The following SYT1 variants were observed in gnomAD, a reference collection of about 807,000 sequenced individuals.
The protein encoded by SYT1 is synaptotagmin 1.
SYT1 carries 8 observed loss-of-function variants against 44.8 expected under a neutral mutation model. The ratio of observed to expected loss-of-function variants is 0.18; its 90% CI spans 0.10 to 0.32. SYT1 has a LOEUF of 0.32. SYT1 is among the 10% of genes least tolerant of loss of function. The pLI is 1.00. For synonymous variants in SYT1, 154 were observed against 188.8 expected, an observed-to-expected ratio of 0.82 and a Z score of 1.51; for missense variants, 286 against 509.3, an observed-to-expected ratio of 0.56 and a Z score of 4.22.
At chr12:79,263,163 CA>C (rs900450679) in intron 4 of SYT1, among the ~76,000 whole-genome samples, 35 of 152,222 alleles carry the variant, frequency 2.3e-4, no homozygotes, top group African/African-American at 7.5e-4. Context: ...TCACCACTTA[CA>C]AGTCAGTGAG....
At chr12:79,293,302 C>T (rs960500969) in intron 6 of SYT1, among the ~76,000 whole-genome samples, 70 of 147,238 alleles carry the variant, frequency 4.8e-4, no homozygotes, top group African/African-American at 1.7e-3. Context: ...CCAGCCTGGG[C>T]GACAGAGCGA....
At chr12:79,084,711 A>G (rs1358050374) in intron 3 of SYT1, among the ~76,000 whole-genome samples, 1 of 152,192 alleles carries the variant, frequency 6.6e-6, no homozygotes, top group Non-Finnish European at 1.5e-5. Flanking sequence ...ATACCAGTGT[A>G]ATATATCAAT....
intron 3 of SYT1, among the ~76,000 whole-genome samples, chr12:79,100,336 C>G (rs147129295): frequency 1.3e-3 from 204 of 152,274 alleles, no homozygotes; most frequent in African/African-American, 4.6e-3. Context: ...CAAACCTCGT[C>G]TTAACCACCA....
At chr12:78,968,463 T>C (rs762005550) in intron 1 of SYT1, among the ~76,000 whole-genome samples, 27 of 152,166 alleles carry the variant, frequency 1.8e-4, no homozygotes, top group Non-Finnish European at 3.1e-4. Context: ...GGGAACAAGA[T>C]GAAATGCATT....
At chr12:79,331,415 T>G (rs1881849207) in intron 8 of SYT1, among the ~76,000 whole-genome samples, 1 of 152,192 alleles carries the variant, frequency 6.6e-6, no homozygotes, top group Non-Finnish European at 1.5e-5. Context: ...ATAACACAAT[T>G]GTGCATATAC....
chr12:79,299,395 G>A lies in SYT1; in HGVS notation c.654G>A (p.Ser218=), dbSNP rs759895494. ...GTCTTTTAATTTAGGTACCATACTC[G>A]GAATTGGGTGGCAAAACCCTAGTGA... The part of the protein sequence containing the change: ...NEQFTFKVPY[S]ELGGKTLVMA... Residue 218 remains serine (S), a synonymous_variant, in exon 8 of 11, where the codon TCG becomes TCA. Transcript: ENST00000261205. 405 of 1,612,646 alleles carry A rather than the reference G, an allele frequency of 2.5e-4. No homozygotes were observed. Among genetic ancestry groups the A allele is most frequent in the Non-Finnish European group, 3.2e-4 (373 of 1,179,322 alleles).
At chr12:79,329,759 T>C (rs17005466) in intron 8 of SYT1, among the ~76,000 whole-genome samples, 16,914 of 152,208 alleles carry the variant, frequency 0.11, 1,399 homozygotes, top group African/African-American at 0.23. Context: ...AGCTGCAAAC[T>C]CCTACTCTGT....
intron 3 of SYT1, among the ~76,000 whole-genome samples, chr12:79,162,755 C>G (rs372921089): frequency 6.6e-6 from 1 of 152,032 alleles, no homozygotes; most frequent in African/African-American, 2.4e-5. Context: ...AAAGAAGCAG[C>G]AATTTTGTTT....
intron 3 of SYT1, among the ~76,000 whole-genome samples, chr12:79,174,291 A>T (rs1449772445): frequency 6.6e-6 from 1 of 152,054 alleles, no homozygotes; most frequent in African/African-American, 2.4e-5. Flanking sequence ...GGTGACATTG[A>T]TGAAGAATTA....
intron 9 of SYT1, among the ~76,000 whole-genome samples, chr12:79,402,291 C>T (rs756670281): frequency 6.6e-6 from 1 of 152,164 alleles, no homozygotes; most frequent in Admixed American, 6.5e-5. Context: ...CCATGTCCCA[C>T]GTGGCCAGTA....
intron 7 of SYT1, among the ~76,000 whole-genome samples, chr12:79,297,714 A>G (rs1210160555): frequency 6.6e-6 from 1 of 152,090 alleles, no homozygotes; most frequent in Non-Finnish European, 1.5e-5. Flanking sequence ...AAATACTTCA[A>G]TTTTTCTAGA....
chr12:79,431,024 G>A (rs748888817), intron 9 of SYT1, among the ~76,000 whole-genome samples: 1 of 152,186 alleles, frequency 6.6e-6, no homozygotes, highest in Non-Finnish European at 1.5e-5. Flanking sequence ...ACAAAGTTAA[G>A]AGAAAATATC....
intron 3 of SYT1, among the ~76,000 whole-genome samples, chr12:79,179,551 A>G (rs36141500): frequency 0.68 from 90,767 of 133,684 alleles, 32,033 homozygotes; most frequent in African/African-American, 0.74. Context: ...ATAGAGATAT[A>G]GATATAGATT....
At position 79,087,843 on chromosome 12, in the gene SYT1, C is replaced by T. The variant is rs114051955; in HGVS notation, c.-18+40481C>T. On this transcript the variant is annotated intron_variant, in intron 3 of 10. Coordinates refer to ENST00000261205, the MANE Select transcript of SYT1 (RefSeq NM_005639.3). ...GGGCATCTGAACAATTTGCATGGGG[C>T]TTTATATTTAACACTTTCCTGCTTT... 2.1e-3 allele frequency among the ~76,000 whole-genome samples: 316 copies of T among 152,156 alleles called. 3 individuals are homozygous for T. Among genetic ancestry groups the T allele is most frequent in the Middle Eastern group, 0.017 (5 of 294 alleles).
chr12:79,084,630 T>C (rs1387634326), intron 3 of SYT1, among the ~76,000 whole-genome samples: 1 of 152,150 alleles, frequency 6.6e-6, no homozygotes, highest in African/African-American at 2.4e-5. Context: ...CTACATGCTC[T>C]TTATGAATAC....
intron 1 of SYT1, chr12:78,868,817 T>C (rs1873675421): frequency 6.6e-6 from 1 of 151,736 alleles, no homozygotes; most frequent in Non-Finnish European, 1.5e-5. Context: ...TTTTTTCTTT[T>C]AAAATGGGGT....
chr12:78,965,321 T>C (rs1879712775), intron 1 of SYT1, among the ~76,000 whole-genome samples: 1 of 152,286 alleles, frequency 6.6e-6, no homozygotes, highest in East Asian at 1.9e-4. Flanking sequence ...TATGTACAGA[T>C]TAGGCAGCTA....
At chr12:79,076,021 T>G (rs1592725660) in intron 3 of SYT1, among the ~76,000 whole-genome samples, 2 of 152,228 alleles carry the variant, frequency 1.3e-5, no homozygotes, top group East Asian at 3.9e-4. Flanking sequence ...AATAAAAATT[T>G]TATGACATGT....
At chr12:79,364,561 C>A (rs1053571856) in intron 9 of SYT1, among the ~76,000 whole-genome samples, 22 of 152,056 alleles carry the variant, frequency 1.4e-4, no homozygotes, top group African/African-American at 5.1e-4. Flanking sequence ...GATGACTGGA[C>A]AACTAGGAGG....
Sources: gnomAD v4.1 joint callset for allele counts (sites outside exome capture counted in the v4.1 genomes callset) on GRCh38, gnomAD v4.1.1 for gene constraint, MANE v1.5 for transcripts, NCBI Gene and HGNC (gene_info 2026-07-23, HGNC 2026-07-21) for gene names.